The following COLGALT1 variants were observed in gnomAD, a reference collection of about 807,000 sequenced individuals.
The protein encoded by COLGALT1 is collagen beta(1-O)galactosyltransferase 1, also known as procollagen galactosyltransferase 1.
COLGALT1 carries 43 observed loss-of-function variants against 60.8 expected under a neutral mutation model. The observed-to-expected ratio is 0.71, with a 90% CI of 0.55 to 0.91. The LOEUF (loss-of-function observed/expected upper bound fraction) is 0.91, where lower values mean the gene tolerates loss of function less well. Ranked by LOEUF, COLGALT1 falls within the 40% of genes least tolerant of loss-of-function variation. The pLI is 0.00. For synonymous variants in COLGALT1, 369 were observed against 374.2 expected (o/e 0.99, Z 0.16); for missense variants, 845 against 880.0 (o/e 0.96, Z 0.50).
rs746235219 is a variant in COLGALT1, at chr19:17,578,104, A to G, written c.1266+15A>G. The G allele has an allele frequency of 6.3e-7, 1 of 1,586,792 alleles. No individual in the cohort carries two copies. The highest frequency in any genetic ancestry group is 1.1e-5 in the South Asian group (1 of 89,328). On this transcript the variant is annotated intron_variant, in intron 9 of 11. Transcript: ENST00000252599. ...TCTGGAAGGAGGTGTGTCCTGAGTG[A>G]TGGGCGGGGCCAGAGTTATGACTCT...
intron 3 of COLGALT1, among the ~76,000 whole-genome samples, chr19:17,564,188 C>T (rs1205283737): frequency 6.6e-6 from 1 of 151,814 alleles, no homozygotes; most frequent in Non-Finnish European, 1.5e-5. Flanking sequence ...TAGGAGGCTG[C>T]AATCAGCCAT....
At chr19:17,559,178 G>A (rs913511418) in intron 1 of COLGALT1, 133 bp from the exon 2 acceptor site, 1 of 694,920 alleles carries the variant, frequency 1.4e-6, no homozygotes, top group African/African-American at 1.8e-5. Flanking sequence ...ACAAAGGAAA[G>A]GGAGAAGTGT....
rs556573594 is a variant in COLGALT1, at chr19:17,582,274, C to T, written c.*830C>T. 3.7e-4 allele frequency: 56 copies of T among 152,330 alleles called. No individual in the cohort carries two copies. Among genetic ancestry groups the T allele is most frequent in the African/African-American group, 1.3e-3 (56 of 41,562 alleles). The allele number at this position is 152,330 out of a possible 1,614,324, so 9.4% of individuals were successfully genotyped here. On this transcript the variant is annotated 3_prime_UTR_variant, in exon 12 of 12. Coordinates refer to ENST00000252599, the MANE Select transcript of COLGALT1 (RefSeq NM_024656.4). ...CATTTATTCAAGCACATATTGGTCA[C>T]CTACTGTGTGCCTGGCACTCATGTC...
rs1568483833 is a variant in COLGALT1, at chr19:17,581,491, C to T, written c.*47C>T. ...AAGCAGCCATCGGTGGCCCAGGCTC[C>T]ACGTGCTTACTGAGGACATCAGGTC... On this transcript the variant is annotated 3_prime_UTR_variant, in exon 12 of 12. Transcript: ENST00000252599. The T allele has an allele frequency of 1.3e-6, 2 of 1,572,818 alleles. No homozygotes were observed. Among genetic ancestry groups the T allele is most frequent in the Non-Finnish European group, 8.6e-7 (1 of 1,164,892 alleles).
chr19:17,580,886 A>AAACACCCAG lies in COLGALT1; in HGVS notation c.1582_1583insAACACCCAG (p.Met528delinsLysHisProVal), dbSNP rs1432129865. On this transcript the variant is annotated protein_altering_variant, in exon 11 of 12. Transcript: ENST00000252599. ...GCCTGTGGACGAGTTCCTGCCCGTC[A>AAACACCCAG]TGTTCGACAAACACCCAGTGTGAGA... is the stretch of plus-strand genomic sequence containing the variant. 1 of 1,613,464 alleles carries AAACACCCAG rather than the reference A, an allele frequency of 6.2e-7. No homozygotes were observed. The highest frequency in any genetic ancestry group is 1.1e-5 in the South Asian group (1 of 91,034).
At chr19:17,579,834 C>T in intron 10 of COLGALT1, 1 of 580,004 alleles carries the variant, frequency 1.7e-6, no homozygotes, top group Non-Finnish European at 3.0e-6. Context: ...CACAGCGCTG[C>T]AGCTGAGCCT....
intron 1 of COLGALT1, among the ~76,000 whole-genome samples, chr19:17,558,191 G>A (rs969734125): frequency 3.3e-5 from 5 of 151,738 alleles, no homozygotes; most frequent in Non-Finnish European, 5.9e-5. Flanking sequence ...CACCCGCCTC[G>A]GCCTCCCAAA....
Position 17,571,144 on chromosome 19 carries a change from G to A in COLGALT1, c.830-1339G>A, listed in dbSNP as rs368061826. On this transcript the variant is annotated intron_variant, in intron 5 of 11. Transcript: ENST00000252599. Reference sequence around the variant, plus strand: ...CAATTAAAATTAAAAGAGGCCGGGTGTAGTGGCTCATGCCTGTAATCCCAG... The same window carrying A: ...CAATTAAAATTAAAAGAGGCCGGGTATAGTGGCTCATGCCTGTAATCCCAG... 1.5e-4 allele frequency among the ~76,000 whole-genome samples: 23 copies of A among 152,242 alleles called. No homozygotes were observed. In the East Asian group the frequency reaches 4.1e-3, roughly 27 times the overall value.
Position 17,581,469 on chromosome 19 carries a change from C to A in COLGALT1, c.*25C>A, listed in dbSNP as rs2076382263. On this transcript the variant is annotated 3_prime_UTR_variant, in exon 12 of 12. Coordinates refer to ENST00000252599, the MANE Select transcript of COLGALT1 (RefSeq NM_024656.4). Reference sequence around the variant, plus strand: ...AGGGGTAGCAGCCAGAAAGCCAAAGCAGCCATCGGTGGCCCAGGCTCCACG... The same window carrying A: ...AGGGGTAGCAGCCAGAAAGCCAAAGAAGCCATCGGTGGCCCAGGCTCCACG... The A allele has an allele frequency of 1.9e-6, 3 of 1,594,272 alleles. No homozygotes were observed. The South Asian group carries it at 3.3e-5, about 18-fold the overall frequency.
Position 17,577,211 on chromosome 19 carries a change from A to G in COLGALT1, c.966A>G (p.Ala322=). ...QLEVMVKHPP[A]EPSRFISAPT... Reference sequence around the variant, plus strand: ...GCCCCACAGTGAAGCACCCGCCCGCAGAGCCCTCCCGCTTCATCTCGGCTC... The same window carrying G: ...GCCCCACAGTGAAGCACCCGCCCGCGGAGCCCTCCCGCTTCATCTCGGCTC... Residue 322 remains alanine, a synonymous_variant, in exon 7 of 12, where the codon GCA becomes GCG. Coordinates refer to ENST00000252599, the MANE Select transcript of COLGALT1 (RefSeq NM_024656.4). 6.2e-7 allele frequency: 1 copy of G among 1,613,024 alleles called. No homozygotes were observed. The highest frequency in any genetic ancestry group is 2.2e-5 in the East Asian group (1 of 44,826).
chr19:17,577,003 T>TGAGCGGCAGGAC, intron 6 of COLGALT1, 192 bp from the exon 7 acceptor site: 1 of 587,588 alleles, frequency 1.7e-6, no homozygotes, highest in Non-Finnish European at 3.0e-6. Context: ...TGGCCAGGGC[T>TGAGCGGCAGGAC]TTGGGCTGCT....
In COLGALT1 at chr19:17,577,221, C is replaced by T. The variant is rs371286780; in HGVS notation, c.976C>T (p.Arg326Cys). The T allele has an allele frequency of 1.2e-4, 193 of 1,569,370 alleles. 1 individual carries two copies. Among genetic ancestry groups the T allele is most frequent in the Middle Eastern group, 6.7e-4 (4 of 5,982 alleles). The change falls in exon 7 of 12, where the codon CGC (arginine) becomes TGC (cysteine). Residue 326 changes from arginine (R) to cysteine (C), a missense_variant. Physicochemically the swap from Arg to Cys is radical, Grantham distance 180 (BLOSUM62 -3). Transcript: ENST00000252599. ...MVKHPPAEPS[R>C]FISAPTKTPD... ...GAAGCACCCGCCCGCAGAGCCCTCC[C>T]GCTTCATCTCGGCTCCCACCAAGAC...
chr19:17,576,641 G>A (rs1023416770), intron 6 of COLGALT1, among the ~76,000 whole-genome samples: 3 of 148,330 alleles, frequency 2.0e-5, no homozygotes, highest in African/African-American at 7.5e-5. Context: ...GCTGGGGGTC[G>A]GAGCGAAGCT....
At chr19:17,569,563 A>G (rs958986370) in intron 5 of COLGALT1, among the ~76,000 whole-genome samples, 6 of 151,694 alleles carry the variant, frequency 4.0e-5, no homozygotes, top group Non-Finnish European at 8.8e-5. Flanking sequence ...CAGCCTCCCA[A>G]GTAGCTGGGA....
intron 10 of COLGALT1, chr19:17,579,969 C>T (rs748811696): frequency 2.5e-5 from 6 of 238,258 alleles, no homozygotes; most frequent in Middle Eastern, 1.6e-3. Flanking sequence ...TAGGGAAGGG[C>T]GTTGGAAGGA....
At chr19:17,559,243 C>G in intron 1 of COLGALT1, 68 bp from the exon 2 acceptor site, 1 of 1,144,356 alleles carries the variant, frequency 8.7e-7, no homozygotes, top group Non-Finnish European at 1.3e-6. Flanking sequence ...TGGTCCTTGA[C>G]TTGCCTCACT....
intron 9 of COLGALT1, among the ~76,000 whole-genome samples, 200 bp downstream of exon 9, chr19:17,578,289 C>T (rs74180829): frequency 0.036 from 5,417 of 152,206 alleles, 130 homozygotes; most frequent in Non-Finnish European, 0.055. Flanking sequence ...CCTTCCATTG[C>T]GCAAATGTGG....
chr19:17,559,241 G>A (rs2076233706), intron 1 of COLGALT1, 70 bp from the exon 2 acceptor site: 1 of 1,108,412 alleles, frequency 9.0e-7, no homozygotes, highest in Non-Finnish European at 1.3e-6. Context: ...GGTGGTCCTT[G>A]ACTTGCCTCA....
chr19:17,570,395 A>G (rs1161990041), intron 5 of COLGALT1, among the ~76,000 whole-genome samples: 1 of 151,734 alleles, frequency 6.6e-6, no homozygotes, highest in Non-Finnish European at 1.5e-5. Context: ...ACCTGCCTAC[A>G]TGCCCAGCTA....
Sources: allele counts gnomAD v4.1 joint callset (sites outside exome capture counted in the v4.1 genomes callset), GRCh38; gene constraint gnomAD v4.1.1; transcripts MANE v1.5; gene names NCBI Gene and HGNC (gene_info 2026-07-23, HGNC 2026-07-21).